The following TERB2 variants were observed in gnomAD, a reference collection of about 807,000 sequenced individuals.
The protein encoded by TERB2 is telomere repeat binding bouquet formation protein 2, also known as telomere repeats-binding bouquet formation protein 2.
TERB2 carries 26 observed loss-of-function variants against 29.8 expected under a neutral mutation model. The ratio of observed to expected loss-of-function variants is 0.87; its 90% CI spans 0.64 to 1.21. TERB2 has a LOEUF of 1.21. TERB2 is among the 50% of genes most tolerant of loss of function. TERB2 has a pLI of 0.00. For synonymous variants in TERB2, 80 were observed against 90.8 expected, an observed-to-expected ratio of 0.88 and a Z score of 0.68; for missense variants, 240 against 268.6, an observed-to-expected ratio of 0.89 and a Z score of 0.74.
intron 2 of TERB2, among the ~76,000 whole-genome samples, chr15:44,957,392 G>A (rs1379508592): frequency 2.0e-5 from 3 of 151,962 alleles, no homozygotes; most frequent in Non-Finnish European, 2.9e-5. Flanking sequence ...TGGTCCTCGG[G>A]CCTCTTCCTG....
intron 5 of TERB2, among the ~76,000 whole-genome samples, chr15:44,967,037 C>T (rs894638842): frequency 6.6e-6 from 1 of 152,126 alleles, no homozygotes; most frequent in African/African-American, 2.4e-5. Context: ...AGGTTGAGAC[C>T]GCAGTGAGCC....
intron 5 of TERB2, 121 bp from the exon 6 acceptor site, chr15:44,973,746 T>C (rs1892003508): frequency 2.8e-6 from 2 of 713,042 alleles, no homozygotes; most frequent in Non-Finnish European, 3.6e-6. Flanking sequence ...TATAGTATAC[T>C]ATAGTAAAGG....
chr15:44,965,750 A>G (rs1016946825), intron 4 of TERB2, among the ~76,000 whole-genome samples: 24 of 151,434 alleles, frequency 1.6e-4, no homozygotes, highest in African/African-American at 5.6e-4. Context: ...AGCTCACAGG[A>G]ATCCCTAAGT....
In TERB2 at chr15:44,960,516, TAA is replaced by T. The variant is rs1161572332; in HGVS notation, c.287-1001_287-1000del. On this transcript the variant is annotated intron_variant, in intron 3 of 6. Coordinates refer to ENST00000340827, the MANE Select transcript of TERB2 (RefSeq NM_152448.3). Reference sequence around the variant, plus strand: ...GGCAACATGCTGAGACGCCCTTCTCTAAAAAAATTAATTACATAATTGAGTAG... The same window carrying T: ...GGCAACATGCTGAGACGCCCTTCTCTAAAAATTAATTACATAATTGAGTAG... 5.3e-5 allele frequency among the ~76,000 whole-genome samples: 8 copies of T among 152,248 alleles called. No homozygotes were observed. The East Asian group carries it at 1.4e-3, about 26-fold the overall frequency.
At chr15:44,978,112 G>A (rs1228464524) in intron 6 of TERB2, among the ~76,000 whole-genome samples, 3 of 152,176 alleles carry the variant, frequency 2.0e-5, no homozygotes, top group African/African-American at 4.8e-5. Context: ...TGAACTGTTT[G>A]CACTGTTAGT....
chr15:44,966,175 A>C lies in TERB2; in HGVS notation c.366A>C (p.Pro122=), dbSNP rs780260629. The C allele has an allele frequency of 7.1e-6, 11 of 1,548,212 alleles. No individual in the cohort carries two copies. In the South Asian group the frequency reaches 1.3e-4, roughly 18 times the overall value. Residue 122 remains proline (P), a synonymous_variant, in exon 5 of 7, where the codon CCA becomes CCC. Transcript: ENST00000340827. ...ATCCACAGCATGATGAAGTAACACC[A>C]AATGAAATAAAGACCCTTAGGGAAA... ...FLIEKHDEVT[P]NEIKTLRENS...
intron 3 of TERB2, among the ~76,000 whole-genome samples, chr15:44,959,404 T>C (rs1255309004): frequency 6.6e-6 from 1 of 152,170 alleles, no homozygotes; most frequent in Non-Finnish European, 1.5e-5. Flanking sequence ...AGTCTTACTC[T>C]GTCGTCCAGG....
At chr15:44,972,583 T>G (rs562745552) in intron 5 of TERB2, among the ~76,000 whole-genome samples, 2 of 150,652 alleles carry the variant, frequency 1.3e-5, no homozygotes, top group African/African-American at 4.9e-5. Flanking sequence ...TGGCGCCATC[T>G]CAGCTCACTG....
chr15:44,961,683 A>G, intron 4 of TERB2, 99 bp downstream of exon 4: 1 of 751,256 alleles, frequency 1.3e-6, no homozygotes, highest in South Asian at 1.8e-5. Flanking sequence ...TGTTAGCACC[A>G]ATGAGTCAGA....
chr15:44,975,361 C>T (rs181209675), intron 6 of TERB2, among the ~76,000 whole-genome samples: 137 of 151,984 alleles, frequency 9.0e-4, no homozygotes, highest in African/African-American at 3.2e-3. Context: ...GGAATAACTT[C>T]TTGTTGGAAG....
intron 2 of TERB2, among the ~76,000 whole-genome samples, chr15:44,957,639 T>TTAG (rs1229837137): frequency 6.6e-6 from 1 of 152,196 alleles, no homozygotes; most frequent in African/African-American, 2.4e-5. Flanking sequence ...TGACACTAAC[T>TTAG]TAGTAGCACC....
intron 5 of TERB2, among the ~76,000 whole-genome samples, 178 bp downstream of exon 5, chr15:44,966,421 C>T (rs2141242063): frequency 6.6e-6 from 1 of 152,162 alleles, no homozygotes; most frequent in African/African-American, 2.4e-5. Flanking sequence ...TCCCCAAAGT[C>T]ATACAAACTT....
In TERB2 at chr15:44,958,513, G is replaced by T; in HGVS notation, c.286+1G>T. On this transcript the variant is annotated splice_donor_variant, in intron 3 of 6. Transcript: ENST00000340827. LOFTEE classifies it high-confidence loss of function. Reference sequence around the variant, plus strand: ...CTTCCTCCTGCGTGCCTGCAAAAAGGTTAGCAAAGATCATTCAGCCAATCC... The same window carrying T: ...CTTCCTCCTGCGTGCCTGCAAAAAGTTTAGCAAAGATCATTCAGCCAATCC... 1 of 1,606,902 alleles carries T rather than the reference G, an allele frequency of 6.2e-7. No homozygotes were observed. Among genetic ancestry groups the T allele is most frequent in the Non-Finnish European group, 8.5e-7 (1 of 1,175,894 alleles).
At chr15:44,970,597 TA>T (rs1891952221) in intron 5 of TERB2, 1 of 164,486 alleles carries the variant, frequency 6.1e-6, no homozygotes, top group Non-Finnish European at 1.3e-5. Flanking sequence ...GTCTTCCTCA[TA>T]CAGATAGGTT....
chr15:44,963,801 A>ATTATTTTTTTT (rs1358739221), intron 4 of TERB2, among the ~76,000 whole-genome samples: 1 of 128,236 alleles, frequency 7.8e-6, no homozygotes, highest in Admixed American at 7.9e-5. Context: ...TTATTATACT[A>ATTATTTTTTTT]TTCTTTTTTT....
intron 5 of TERB2, among the ~76,000 whole-genome samples, chr15:44,967,084 A>C: frequency 6.6e-6 from 1 of 152,220 alleles, no homozygotes; most frequent in African/African-American, 2.4e-5. Flanking sequence ...GGGTGACAGA[A>C]CAATACTCTG....
At chr15:44,973,792 C>A (rs1892004226) in intron 5 of TERB2, 75 bp from the exon 6 acceptor site, 3 of 963,876 alleles carry the variant, frequency 3.1e-6, no homozygotes, top group Non-Finnish European at 3.9e-6. Context: ...TATAAATATA[C>A]TTTAATATAA....
At chr15:44,974,436 C>T (rs951769941) in intron 6 of TERB2, among the ~76,000 whole-genome samples, 3 of 152,088 alleles carry the variant, frequency 2.0e-5, no homozygotes, top group African/African-American at 7.2e-5. Context: ...AACACACAAA[C>T]TTTGCATATA....
chr15:44,957,498 T>G (rs1428835082), intron 2 of TERB2, among the ~76,000 whole-genome samples: 2 of 151,968 alleles, frequency 1.3e-5, no homozygotes, highest in Admixed American at 6.6e-5. Flanking sequence ...TCTTGTCATT[T>G]CCCCTCATAC....
Sources: allele counts gnomAD v4.1 joint callset (sites outside exome capture counted in the v4.1 genomes callset), GRCh38; gene constraint gnomAD v4.1.1; transcripts MANE v1.5; gene names NCBI Gene and HGNC (gene_info 2026-07-23, HGNC 2026-07-21).